PPP1R9A: variants seen among roughly 807,000 people sequenced by gnomAD.
PPP1R9A encodes neurabin-1.
In PPP1R9A, 59 loss-of-function variants were observed where a neutral mutation model predicts 141.9. That is an observed-to-expected ratio of 0.42 (90% confidence interval 0.34 to 0.52). The LOEUF is 0.52. Ranked by LOEUF, PPP1R9A falls within the 20% of genes least tolerant of loss-of-function variation. The probability of loss-of-function intolerance (pLI) is 0.10; values close to 1 mark genes in which losing one functional copy is unlikely to be tolerated. For missense variants in PPP1R9A, 1,444 were observed against 1,611.9 expected (o/e 0.90, Z 1.78); for synonymous variants, 500 against 569.7 (o/e 0.88, Z 1.74).
chr7:94,955,102 C>G (rs1231792189), intron 2 of PPP1R9A, among the ~76,000 whole-genome samples: 2 of 151,848 alleles, frequency 1.3e-5, no homozygotes, highest in Non-Finnish European at 2.9e-5. Flanking sequence ...TTTCTTTTCA[C>G]TGTTTATTCA....
intron 2 of PPP1R9A, among the ~76,000 whole-genome samples, chr7:95,072,945 TTA>T (rs955872251): frequency 2.3e-5 from 3 of 128,956 alleles, no homozygotes; most frequent in African/African-American, 8.8e-5. Context: ...ATTATATATA[TTA>T]TATATTATAA....
intron 2 of PPP1R9A, among the ~76,000 whole-genome samples, chr7:94,923,809 C>T (rs1402306817): frequency 6.6e-6 from 1 of 152,068 alleles, no homozygotes; most frequent in Non-Finnish European, 1.5e-5. Context: ...GCAGAGTTTT[C>T]TGAAATTGGA....
At chr7:95,253,793 C>G (rs1799209735) in intron 12 of PPP1R9A, among the ~76,000 whole-genome samples, 1 of 151,856 alleles carries the variant, frequency 6.6e-6, no homozygotes, top group African/African-American at 2.4e-5. Context: ...AGAAAAACAT[C>G]AGGAATCAAA....
intron 13 of PPP1R9A, 118 bp downstream of exon 13, chr7:95,268,825 T>A (rs575706285): frequency 8.2e-7 from 1 of 1,215,734 alleles, no homozygotes; most frequent in Non-Finnish European, 1.1e-6. Context: ...GGTAAGCAGC[T>A]AGAATAGTTC....
chr7:94,973,914 A>C (rs59119566), intron 2 of PPP1R9A, among the ~76,000 whole-genome samples: 7,490 of 152,010 alleles, frequency 0.049, 738 homozygotes, highest in East Asian at 0.42. Flanking sequence ...ACAGGGTCTC[A>C]TTATGTTGCC....
At chr7:95,263,999 C>T (rs563345229) in intron 12 of PPP1R9A, among the ~76,000 whole-genome samples, 268 of 152,228 alleles carry the variant, frequency 1.8e-3, no homozygotes, top group African/African-American at 6.0e-3. Flanking sequence ...TCCTGAGGGA[C>T]AGAGGTTAGA....
chr7:94,908,127 C>G (rs1790988741), intron 1 of PPP1R9A: 1 of 149,988 alleles, frequency 6.7e-6, no homozygotes. Flanking sequence ...CCGCCCGCGG[C>G]GCTCCCGCTC....
At position 95,287,255 on chromosome 7, in the gene PPP1R9A, T is replaced by A. The variant is rs1805525849; in HGVS notation, c.3729+930T>A. The A allele has an allele frequency of 2.5e-6, 3 of 1,221,806 alleles. No homozygotes were observed. In the Admixed American group the frequency reaches 5.1e-5, roughly 21 times the overall value. The allele number at this position is 1,221,806 out of a possible 1,614,324, so 75.7% of individuals were successfully genotyped here. A position where few individuals can be genotyped will look rare whatever the true frequency, so the allele number is the denominator to read the frequency against. ...GAATATCTTCCTCTGTAGTGAAGGGTTTCCTTGTGTTAAATAGCTTTACTC... is the reference window on the plus strand; with the variant it reads ...GAATATCTTCCTCTGTAGTGAAGGGATTCCTTGTGTTAAATAGCTTTACTC... On this transcript the variant is annotated intron_variant, in intron 18 of 19. Transcript: ENST00000433360.
chr7:95,136,547 T>C (rs916772729), intron 4 of PPP1R9A, among the ~76,000 whole-genome samples: 1 of 152,194 alleles, frequency 6.6e-6, no homozygotes, highest in Non-Finnish European at 1.5e-5. Context: ...TTCTAGATAG[T>C]CTGAGAAAAT....
chr7:95,023,467 C>T (rs2151745263), intron 2 of PPP1R9A, among the ~76,000 whole-genome samples: 1 of 151,930 alleles, frequency 6.6e-6, no homozygotes, highest in African/African-American at 2.4e-5. Flanking sequence ...TTTCATGTCT[C>T]TATCTCCTTC....
At chr7:95,032,370 T>G (rs968026811) in intron 2 of PPP1R9A, among the ~76,000 whole-genome samples, 1 of 152,178 alleles carries the variant, frequency 6.6e-6, no homozygotes, top group Non-Finnish European at 1.5e-5. Flanking sequence ...CTTTTTTTTT[T>G]TAAATTGAAT....
intron 14 of PPP1R9A, among the ~76,000 whole-genome samples, chr7:95,273,035 C>G (rs559997193): frequency 6.6e-6 from 1 of 152,142 alleles, no homozygotes; most frequent in Non-Finnish European, 1.5e-5. Flanking sequence ...AGAGCCTGTC[C>G]GAGATGGAAC....
At chr7:95,115,997 T>G (rs891802677) in intron 3 of PPP1R9A, among the ~76,000 whole-genome samples, 2 of 151,946 alleles carry the variant, frequency 1.3e-5, no homozygotes, top group African/African-American at 4.8e-5. Context: ...GGTTCATTAT[T>G]CAAAGATTCA....
intron 19 of PPP1R9A, among the ~76,000 whole-genome samples, chr7:95,289,725 G>C (rs1806051490): frequency 6.6e-6 from 1 of 152,152 alleles, no homozygotes; most frequent in South Asian, 2.1e-4. Flanking sequence ...GACAGCAGGT[G>C]CTCACTCCTA....
intron 7 of PPP1R9A, among the ~76,000 whole-genome samples, chr7:95,219,082 G>C (rs1185712776): frequency 6.6e-6 from 1 of 152,162 alleles, no homozygotes; most frequent in Non-Finnish European, 1.5e-5. Context: ...TTTACAATTT[G>C]TCATGCTTTT....
At chr7:95,226,137 A>C in intron 8 of PPP1R9A, 21 bp downstream of exon 8, 1 of 1,599,976 alleles carries the variant, frequency 6.3e-7, no homozygotes, top group African/African-American at 1.3e-5. Context: ...AAGCTGCAAA[A>C]TATTTCTTTA....
At chr7:95,113,121 A>G (rs1212413417) in intron 3 of PPP1R9A, among the ~76,000 whole-genome samples, 2 of 152,228 alleles carry the variant, frequency 1.3e-5, no homozygotes, top group African/African-American at 2.4e-5. Flanking sequence ...AACAAGAACA[A>G]ATTTCTTGAT....
At chr7:95,094,764 C>T (rs867200504) in intron 2 of PPP1R9A, among the ~76,000 whole-genome samples, 2 of 150,720 alleles carry the variant, frequency 1.3e-5, no homozygotes, top group Non-Finnish European at 1.5e-5. Flanking sequence ...CCTGTAATCC[C>T]AGCTACTTGG....
chr7:94,988,103 G>C (rs1801070497), intron 2 of PPP1R9A, among the ~76,000 whole-genome samples: 1 of 152,018 alleles, frequency 6.6e-6, no homozygotes, highest in African/African-American at 2.4e-5. Context: ...TTTTTCATCT[G>C]TTTCCAGATG....
Sources: gnomAD v4.1 joint callset for allele counts (sites outside exome capture counted in the v4.1 genomes callset) on GRCh38, gnomAD v4.1.1 for gene constraint, MANE v1.5 for transcripts, NCBI Gene and HGNC (gene_info 2026-07-23, HGNC 2026-07-21) for gene names.